The following NECTIN2 variants were observed in gnomAD, a reference collection of about 807,000 sequenced individuals.
NECTIN2 encodes the protein nectin-2.
In NECTIN2, 23 loss-of-function variants were observed where a neutral mutation model predicts 56.9. That is an observed-to-expected ratio of 0.40 (90% CI 0.29 to 0.57). The LOEUF (loss-of-function observed/expected upper bound fraction) is 0.57. Among genes scored for constraint, NECTIN2 ranks in the 20% least tolerant of loss-of-function variants. The pLI is 0.38. For synonymous variants in NECTIN2, 302 were observed against 313.8 expected (o/e 0.96, Z 0.40); for missense variants, 587 against 718.3 (o/e 0.82, Z 2.09).
rs1276664560 is a variant in NECTIN2 at position 44,878,237 on chromosome 19, T to G, written c.1042+3759T>G. 6.7e-6 allele frequency: 5 copies of G among 743,048 alleles called. No homozygotes were observed. In the South Asian group the frequency reaches 8.7e-5, roughly 13 times the overall value. The allele number at this position is 743,048 out of a possible 1,614,324, so 46.0% of individuals were successfully genotyped here. On this transcript the variant is annotated intron_variant, in intron 5 of 8. Transcript: ENST00000252483. The stretch of plus-strand genomic sequence containing the variant: ...TCTCTCCTCAGAAACCCCCAGGGCC[T>G]CGCCCCGAGATGTGGGCCCGCTGGT...
At chr19:44,851,928 G>C (rs934227168) in intron 1 of NECTIN2, among the ~76,000 whole-genome samples, 68 of 152,042 alleles carry the variant, frequency 4.5e-4, no homozygotes, top group African/African-American at 1.4e-3. Flanking sequence ...TACCTCCGCA[G>C]CCCTGTCAGC....
chr19:44,878,908 C>T (rs1170253760), intron 5 of NECTIN2: 1 of 1,242,664 alleles, frequency 8.0e-7, no homozygotes. Context: ...CCGTGACACT[C>T]AGGAGTTAAT....
At chr19:44,878,820 CG>C in intron 5 of NECTIN2, 2 of 1,381,940 alleles carry the variant, frequency 1.4e-6, no homozygotes, top group Non-Finnish European at 1.9e-6. Flanking sequence ...ATGGGGAGCC[CG>C]GGGAGCTGAG....
In NECTIN2 at chr19:44,846,342, G is replaced by A; in HGVS notation, c.-184G>A. ...CCGCCGGAGCTGAGCGAGAGGCCGG[G>A]GGTGCCGAGCCGGGCGGGGAGAGCT... On this transcript the variant is annotated 5_prime_UTR_variant, in exon 1 of 9. Coordinates refer to ENST00000252483, the MANE Select transcript of NECTIN2 (RefSeq NM_001042724.2). 1.5e-6 allele frequency: 1 copy of A among 650,400 alleles called. No homozygotes were observed. The highest frequency in any genetic ancestry group is 2.3e-6 in the Non-Finnish European group (1 of 430,528). The allele number at this position is 650,400 out of a possible 1,614,324, so 40.3% of individuals were successfully genotyped here. A position where few individuals can be genotyped will look rare whatever the true frequency, so the allele number is the denominator to read the frequency against.
chr19:44,865,574 C>T lies in NECTIN2; in HGVS notation c.392C>T (p.Thr131Met), dbSNP rs778371949. ...GCCACGCTGGCCCTCCACGGGCTCA[C>T]GGTGGAGGACGAGGGCAACTACACT... ...QDATLALHGLTVEDEGNYTCE... is the reference protein window; with the variant it reads ...QDATLALHGLMVEDEGNYTCE... The change falls in exon 2 of 9, where the codon ACG becomes ATG. Residue 131 changes from threonine to methionine, a missense_variant. By Grantham distance (81) the Thr-to-Met change is moderately conservative (BLOSUM62 -1). Transcript: ENST00000252483. The surrounding 1 kb of genome is among the most constrained non-coding windows in gnomAD (Gnocchi z 5.2). 5 of 1,550,046 alleles carry T rather than the reference C, an allele frequency of 3.2e-6. No homozygotes were observed. Among genetic ancestry groups the T allele is most frequent in the East Asian group, 2.4e-5 (1 of 41,234 alleles).
Position 44,878,647 on chromosome 19 carries a change from G to A in NECTIN2, c.1043-3564G>A, listed in dbSNP as rs1430071335. 3.8e-6 allele frequency: 6 copies of A among 1,561,718 alleles called. No individual in the cohort carries two copies. The Admixed American group carries it at 5.4e-5, about 14-fold the overall frequency. On this transcript the variant is annotated intron_variant, in intron 5 of 8. Coordinates refer to ENST00000252483, the MANE Select transcript of NECTIN2 (RefSeq NM_001042724.2). ...CTGGACACAGACAGAGACAGAGCCA[G>A]GCCCGGCCCTCCCGCCCCCGACCTG... is the stretch of plus-strand genomic sequence containing the variant.
chr19:44,876,614 C>T (rs2122696268), intron 5 of NECTIN2, among the ~76,000 whole-genome samples: 1 of 152,304 alleles, frequency 6.6e-6, no homozygotes, highest in East Asian at 1.9e-4. Context: ...CTCAGAGGGT[C>T]TCTGAGCCAC....
intron 5 of NECTIN2, among the ~76,000 whole-genome samples, chr19:44,879,632 C>T (rs1034251838): frequency 6.6e-5 from 10 of 152,060 alleles, no homozygotes; most frequent in South Asian, 2.1e-4. Context: ...AAAGCAAAGA[C>T]GGGGGGAGGG....
At chr19:44,862,524 T>C (rs926817036) in intron 1 of NECTIN2, among the ~76,000 whole-genome samples, 2 of 149,314 alleles carry the variant, frequency 1.3e-5, no homozygotes, top group African/African-American at 4.9e-5. Context: ...TACACAGCCA[T>C]AAAAAAGGAT....
intron 2 of NECTIN2, among the ~76,000 whole-genome samples, chr19:44,869,537 G>A (rs404935): frequency 0.16 from 22,627 of 145,594 alleles, 1,835 homozygotes; most frequent in South Asian, 0.2. Flanking sequence ...AGCTTGCAGT[G>A]AGCCGAGATC....
Position 44,865,673 on chromosome 19 carries a change from A to G in NECTIN2, c.478+13A>G. ...CTCAGAGTCATAGGTGAGCAGGGTA[A>G]GGGCGGGAGGCAAGGAGGTGGGAGG... On this transcript the variant is annotated intron_variant, in intron 2 of 8. Coordinates refer to ENST00000252483, the MANE Select transcript of NECTIN2 (RefSeq NM_001042724.2). The surrounding 1 kb of genome is among the most constrained non-coding windows in gnomAD (Gnocchi z 5.2). 6.7e-7 allele frequency: 1 copy of G among 1,499,378 alleles called. No homozygotes were observed. Among genetic ancestry groups the G allele is most frequent in the Non-Finnish European group, 8.9e-7 (1 of 1,122,974 alleles). 92.9% of individuals were successfully genotyped at this position (1,499,378 alleles called of 1,614,324 possible). A position where few individuals can be genotyped will look rare whatever the true frequency, so the allele number is the denominator to read the frequency against.
intron 6 of NECTIN2, among the ~76,000 whole-genome samples, chr19:44,883,327 T>C (rs970043614): frequency 2.0e-5 from 3 of 151,948 alleles, no homozygotes; most frequent in African/African-American, 7.3e-5. Context: ...CTGGCTGGAG[T>C]GCCAAGGCGC....
At position 44,888,178 on chromosome 19, in the gene NECTIN2, A is replaced by G; in HGVS notation, c.1416A>G (p.Thr472=). 6.2e-7 allele frequency: 1 copy of G among 1,614,134 alleles called. No homozygotes were observed. Among genetic ancestry groups the G allele is most frequent in the Non-Finnish European group, 8.5e-7 (1 of 1,180,006 alleles). ...ERSGPLHPGA[T]SLGSPIPVPP... Reference sequence around the variant, plus strand: ...CAGGACCCTTGCACCCTGGAGCCACAAGCCTGGGGTCCCCCATCCCGGTGC... The same window carrying G: ...CAGGACCCTTGCACCCTGGAGCCACGAGCCTGGGGTCCCCCATCCCGGTGC... The change falls in exon 9 of 9, where the codon ACA becomes ACG. Residue 472 remains threonine, a synonymous_variant. Transcript: ENST00000252483.
intron 1 of NECTIN2, among the ~76,000 whole-genome samples, chr19:44,861,606 A>G (rs988365991): frequency 6.6e-6 from 1 of 152,230 alleles, no homozygotes; most frequent in African/African-American, 2.4e-5. Flanking sequence ...CAATCTATCC[A>G]TCTGACAAAG....
Position 44,846,361 on chromosome 19 carries a change from G to A in NECTIN2, c.-165G>A. On this transcript the variant is annotated 5_prime_UTR_variant, in exon 1 of 9. Coordinates refer to ENST00000252483, the MANE Select transcript of NECTIN2 (RefSeq NM_001042724.2). Reference sequence around the variant, plus strand: ...GGCCGGGGGTGCCGAGCCGGGCGGGGAGAGCTGGGCCGGGAGAGCAGAACA... The same window carrying A: ...GGCCGGGGGTGCCGAGCCGGGCGGGAAGAGCTGGGCCGGGAGAGCAGAACA... 1.2e-6 allele frequency: 1 copy of A among 851,264 alleles called. No homozygotes were observed. The highest frequency in any genetic ancestry group is 1.6e-6 in the Non-Finnish European group (1 of 613,470). The allele number at this position is 851,264 out of a possible 1,614,324, so 52.7% of individuals were successfully genotyped here.
At chr19:44,882,412 G>A in intron 6 of NECTIN2, 48 bp downstream of exon 6, 3 of 1,341,580 alleles carry the variant, frequency 2.2e-6, no homozygotes, top group Non-Finnish European at 2.9e-6. Context: ...TCGAAGAACT[G>A]AGGAGTATGG....
At position 44,865,733 on chromosome 19, in the gene NECTIN2, T is replaced by G; in HGVS notation, c.478+73T>G. Reference sequence around the variant, plus strand: ...TGGGAGCATCCCCTTGCGGGTCAGTTTCTCTCTTGGCTTCAGCTGTGAGGT... The same window carrying G: ...TGGGAGCATCCCCTTGCGGGTCAGTGTCTCTCTTGGCTTCAGCTGTGAGGT... On this transcript the variant is annotated intron_variant, in intron 2 of 8. Transcript: ENST00000252483. The surrounding 1 kb of genome is among the most constrained non-coding windows in gnomAD (Gnocchi z 5.2). 7.1e-7 allele frequency: 1 copy of G among 1,417,320 alleles called. No homozygotes were observed. The highest frequency in any genetic ancestry group is 9.3e-7 in the Non-Finnish European group (1 of 1,077,556). 87.8% of individuals were successfully genotyped at this position (1,417,320 alleles called of 1,614,324 possible).
chr19:44,850,419 T>A (rs1453335553), intron 1 of NECTIN2, among the ~76,000 whole-genome samples: 1 of 151,776 alleles, frequency 6.6e-6, no homozygotes, highest in African/African-American at 2.4e-5. Flanking sequence ...TCCAGGCAGG[T>A]GTATCACTTG....
In NECTIN2 at chr19:44,886,153, G is replaced by A; in HGVS notation, c.1281G>A (p.Leu427=). The A allele has an allele frequency of 6.2e-7, 1 of 1,613,090 alleles. No individual in the cohort carries two copies. The highest frequency in any genetic ancestry group is 8.5e-7 in the Non-Finnish European group (1 of 1,179,576). ...AQEMPSQLFT[L]GASEHSPLKT... Reference sequence around the variant, plus strand: ...TACAGCCCTCCCAGCTCTTCACTCTGGGGGCCTCGGAGCACAGCCCACTCA... The same window carrying A: ...TACAGCCCTCCCAGCTCTTCACTCTAGGGGCCTCGGAGCACAGCCCACTCA... Residue 427 remains leucine, a synonymous_variant, in exon 8 of 9, where the codon CTG becomes CTA. Transcript: ENST00000252483.
Sources: gnomAD v4.1 joint callset for allele counts (sites outside exome capture counted in the v4.1 genomes callset) on GRCh38, gnomAD v4.1.1 for gene constraint, Gnocchi (gnomAD v3.1) non-coding constraint, MANE v1.5 for transcripts, NCBI Gene and HGNC (gene_info 2026-07-23, HGNC 2026-07-21) for gene names.